SGCD: variants seen among roughly 807,000 people sequenced by gnomAD.
The protein encoded by SGCD is delta-sarcoglycan.
In SGCD, 18 loss-of-function variants were observed where a neutral mutation model predicts 36.6. That is an observed-to-expected ratio of 0.49 (90% CI 0.34 to 0.73). SGCD has a LOEUF of 0.73. SGCD is among the 30% of genes least tolerant of loss of function. The pLI is 0.01. For missense variants in SGCD, 387 were observed against 346.7 expected, an observed-to-expected ratio of 1.12 and a Z score of -0.92; for synonymous variants, 133 against 130.6, an observed-to-expected ratio of 1.02 and a Z score of -0.12.
At chr5:155,837,027 CTGTT>C in the SGCD span, among the ~76,000 whole-genome samples, 1 of 152,114 alleles carries the variant, frequency 6.6e-6, no homozygotes, top group Non-Finnish European at 1.5e-5. Context: ...TGTTTTGTTT[CTGTT>C]TGTTTGCTCT....
chr5:156,220,911 G>A (rs1182583574), intron 3 of SGCD, among the ~76,000 whole-genome samples: 2 of 152,060 alleles, frequency 1.3e-5, no homozygotes, highest in African/African-American at 4.8e-5. Context: ...TTGAAAATGG[G>A]CATGTTCATT....
At chr5:156,149,966 T>C (rs1190915939) in intron 3 of SGCD, among the ~76,000 whole-genome samples, 2 of 152,206 alleles carry the variant, frequency 1.3e-5, no homozygotes, top group Non-Finnish European at 2.9e-5. Flanking sequence ...AGCCTCCTAA[T>C]TGGTCTCCCT....
At chr5:155,968,062 G>C (rs1459223534) in intron 1 of SGCD, among the ~76,000 whole-genome samples, 1 of 152,120 alleles carries the variant, frequency 6.6e-6, no homozygotes, top group East Asian at 1.9e-4. Flanking sequence ...AATATTTGCA[G>C]AGTGGTTGGG....
intron 3 of SGCD, among the ~76,000 whole-genome samples, chr5:156,461,944 C>A (rs1416921395): frequency 2.0e-5 from 3 of 152,230 alleles, no homozygotes; most frequent in South Asian, 4.1e-4. Context: ...AGCTTCCTAC[C>A]TGCATAGTTC....
At chr5:156,617,589 A>C (rs565932900) in intron 6 of SGCD, among the ~76,000 whole-genome samples, 3 of 152,348 alleles carry the variant, frequency 2.0e-5, no homozygotes, top group African/African-American at 7.2e-5. Flanking sequence ...TCCACTGCCC[A>C]GTGGGAGAAG....
At chr5:156,131,456 C>T (rs1489369522) in intron 3 of SGCD, among the ~76,000 whole-genome samples, 1 of 152,118 alleles carries the variant, frequency 6.6e-6, no homozygotes, top group African/African-American at 2.4e-5. Context: ...TACTTACGAG[C>T]CCTCTATAAA....
chr5:156,315,260 G>C, intron 3 of SGCD, among the ~76,000 whole-genome samples: 1 of 82,784 alleles, frequency 1.2e-5, no homozygotes, highest in East Asian at 4.6e-4. Flanking sequence ...GTTACTTTGA[G>C]TCTGATTTTT....
intron 3 of SGCD, among the ~76,000 whole-genome samples, chr5:156,414,621 A>G (rs1282649413): frequency 6.6e-6 from 1 of 152,210 alleles, no homozygotes; most frequent in Non-Finnish European, 1.5e-5. Context: ...TAAATAAATG[A>G]GTGTGGCTGT....
chr5:156,514,752 A>G (rs256836), intron 4 of SGCD, among the ~76,000 whole-genome samples: 24,107 of 152,236 alleles, frequency 0.16, 2,195 homozygotes, highest in Non-Finnish European at 0.2. Flanking sequence ...AACTAGTGCT[A>G]CCATTTGTTC....
rs190730557 is a variant in SGCD at position 156,256,170 on chromosome 5, A to G, written c.-43-73364A>G. Among the ~76,000 whole-genome samples the G allele has an allele frequency of 8.7e-4, 122 of 140,624 alleles. 1 individual carries two copies. The highest frequency in any genetic ancestry group is 8.1e-4 in the Non-Finnish European group (53 of 65,734). 92.3% of individuals were successfully genotyped at this position (140,624 alleles called of 152,430 possible). ...TAATCTAAAAATTCCAAGAGTCTAT[A>G]TTCTTTTCTTGTTTCAGAATAAAAA... On this transcript the variant is annotated intron_variant, in intron 3 of 9. Coordinates refer to the SGCD transcript ENST00000517913.
At chr5:155,834,070 C>G in the SGCD span, among the ~76,000 whole-genome samples, 1 of 152,204 alleles carries the variant, frequency 6.6e-6, no homozygotes, top group Admixed American at 6.5e-5. Context: ...AAGGCCGGCC[C>G]AAATGCCCAT....
chr5:156,573,152 A>C (rs1759791861), intron 4 of SGCD, among the ~76,000 whole-genome samples: 1 of 152,134 alleles, frequency 6.6e-6, no homozygotes, highest in South Asian at 2.1e-4. Flanking sequence ...TTCTTTTCCC[A>C]ATAAAAAAAT....
At chr5:156,151,763 T>G (rs1762840516) in intron 3 of SGCD, among the ~76,000 whole-genome samples, 1 of 151,546 alleles carries the variant, frequency 6.6e-6, no homozygotes, top group Admixed American at 6.6e-5. Flanking sequence ...CAGTCTCTTT[T>G]TCAAGGATTT....
intron 3 of SGCD, among the ~76,000 whole-genome samples, chr5:156,317,924 T>A (rs187198712): frequency 3.0e-4 from 46 of 152,342 alleles, no homozygotes; most frequent in African/African-American, 9.6e-4. Flanking sequence ...ATTGACCCAT[T>A]TATCTAACTG....
chr5:156,351,140 C>T (rs1580858875), intron 3 of SGCD, among the ~76,000 whole-genome samples: 1 of 152,162 alleles, frequency 6.6e-6, no homozygotes, highest in East Asian at 1.9e-4. Flanking sequence ...TGGTTTTTAT[C>T]TAATTTCTCT....
chr5:155,958,102 G>A (rs1757703975), intron 1 of SGCD, among the ~76,000 whole-genome samples: 1 of 152,108 alleles, frequency 6.6e-6, no homozygotes, highest in South Asian at 2.1e-4. Flanking sequence ...CAATATAACA[G>A]CATTGCTCAG....
At chr5:156,549,135 A>C (rs1007357559) in intron 4 of SGCD, among the ~76,000 whole-genome samples, 10 of 144,390 alleles carry the variant, frequency 6.9e-5, no homozygotes, top group Non-Finnish European at 1.0e-4. Context: ...ATTATATTCA[A>C]TATTTTAGGA....
chr5:156,216,960 T>C (rs577862862), intron 3 of SGCD, among the ~76,000 whole-genome samples: 1 of 152,204 alleles, frequency 6.6e-6, no homozygotes, highest in Admixed American at 6.5e-5. Flanking sequence ...GAGCCTGTAA[T>C]CCAGCTACTC....
chr5:156,122,278 A>C (rs1762061058), intron 2 of SGCD, among the ~76,000 whole-genome samples: 1 of 152,188 alleles, frequency 6.6e-6, no homozygotes, highest in Admixed American at 6.6e-5. Context: ...CTGGAGACAC[A>C]GCAGAATACC....
Sources: allele counts gnomAD v4.1 joint callset (sites outside exome capture counted in the v4.1 genomes callset), GRCh38; gene constraint gnomAD v4.1.1; transcripts MANE v1.5; gene names NCBI Gene and HGNC (gene_info 2026-07-23, HGNC 2026-07-21).